SELP: variants seen among roughly 807,000 people sequenced by gnomAD.
SELP encodes the protein selectin P.
In SELP, 92 loss-of-function variants were observed where a neutral mutation model predicts 104.1. That is an observed-to-expected ratio of 0.88 (90% CI 0.75 to 1.05). The LOEUF is 1.05. Ranked by LOEUF, SELP falls within the 50% of genes least tolerant of loss-of-function variation. The probability of loss-of-function intolerance (pLI) is 0.00; values close to 1 mark genes in which losing one functional copy is unlikely to be tolerated. For synonymous variants in SELP, 397 were observed against 364.5 expected (o/e 1.09, Z -1.01); for missense variants, 1,022 against 1,017.3 (o/e 1.00, Z -0.06).
Position 169,617,047 on chromosome 1 carries a change from C to A in SELP, c.462G>T (p.Lys154Asn). 6.2e-7 allele frequency: 1 copy of A among 1,611,242 alleles called. No individual in the cohort carries two copies. The highest frequency in any genetic ancestry group is 8.5e-7 in the Non-Finnish European group (1 of 1,178,484). ...KWNDEHCLKK[K>N]HALCYTASCQ... The stretch of plus-strand genomic sequence containing the variant: ...CCCTACCTGTGTAACACAATGCGTG[C>A]TTTTTCTTCAAGCAGTGCTCATCAT... The change falls in exon 3 of 17, where the codon AAG (lysine) becomes AAT (asparagine). Residue 154 changes from lysine to asparagine, a missense_variant. Coordinates refer to ENST00000263686, the MANE Select transcript of SELP (RefSeq NM_003005.4).
In SELP at chr1:169,612,266, C is replaced by A; in HGVS notation, c.912G>T (p.Val304=). 6.2e-7 allele frequency: 1 copy of A among 1,614,146 alleles called. No homozygotes were observed. Among genetic ancestry groups the A allele is most frequent in the Non-Finnish European group, 8.5e-7 (1 of 1,180,002 alleles). Residue 304 remains valine, a synonymous_variant, in exon 6 of 17, where the codon GTG becomes GTT. Transcript: ENST00000263686. ...TCCATACCCCCGAGGCTGTGCATTG[C>A]ACCACTTCCGGTCCAACTAATGCAA... The part of the protein sequence containing the change: ...EGFALVGPEV[V]QCTASGVWTA...
At chr1:169,590,878 T>C (rs1661323811) in intron 15 of SELP, among the ~76,000 whole-genome samples, 1 of 152,242 alleles carries the variant, frequency 6.6e-6, no homozygotes, top group Non-Finnish European at 1.5e-5. Flanking sequence ...GAATATCTGC[T>C]CGATATTCAT....
intron 7 of SELP, among the ~76,000 whole-genome samples, chr1:169,610,276 A>G (rs1662453951): frequency 6.6e-6 from 1 of 152,056 alleles, no homozygotes; most frequent in African/African-American, 2.4e-5. Flanking sequence ...AGAACACAGG[A>G]TGTCATCCTA....
Position 169,613,713 on chromosome 1 carries a change from T to G in SELP, c.482-20A>C. On this transcript the variant is annotated intron_variant, in intron 3 of 16. Coordinates refer to ENST00000263686, the MANE Select transcript of SELP (RefSeq NM_003005.4). ...AGGAGGCTGCATAGATATGGAAAGG[T>G]CAGAGTCATGGACATTCACAGATGT... 1 of 1,601,134 alleles carries G rather than the reference T, an allele frequency of 6.2e-7. No homozygotes were observed. Among genetic ancestry groups the G allele is most frequent in the Non-Finnish European group, 8.6e-7 (1 of 1,168,382 alleles).
intron 13 of SELP, among the ~76,000 whole-genome samples, chr1:169,594,283 C>A (rs1452678126): frequency 6.6e-6 from 1 of 152,104 alleles, no homozygotes; most frequent in Non-Finnish European, 1.5e-5. Flanking sequence ...ATATACCTTG[C>A]AAACAGATGG....
Position 169,611,697 on chromosome 1 carries a change from A to C in SELP, c.962-20T>G. On this transcript the variant is annotated intron_variant, in intron 6 of 16. Coordinates refer to ENST00000263686, the MANE Select transcript of SELP (RefSeq NM_003005.4). ...GCACAGCTGGAGAGAATAACCAAGG[A>C]TAAAGAGAAAGATACTGAGAAAGGA... 1.2e-6 allele frequency: 2 copies of C among 1,607,646 alleles called. No homozygotes were observed. The highest frequency in any genetic ancestry group is 1.7e-6 in the Non-Finnish European group (2 of 1,176,966).
chr1:169,626,640 G>A lies in SELP; in HGVS notation c.3+3432C>T, dbSNP rs1663388085. ...GGGTCACAAATACCAGTTGGCAGAAGGGATACTTCTGAACAGAGAAGTATC... is the reference window on the plus strand; with the variant it reads ...GGGTCACAAATACCAGTTGGCAGAAAGGATACTTCTGAACAGAGAAGTATC... On this transcript the variant is annotated intron_variant, in intron 1 of 16. Coordinates refer to ENST00000263686, the MANE Select transcript of SELP (RefSeq NM_003005.4). Among the ~76,000 whole-genome samples, 7 of 152,308 alleles carry A rather than the reference G, an allele frequency of 4.6e-5. No homozygotes were observed. In the South Asian group the frequency reaches 1.4e-3, roughly 32 times the overall value.
intron 11 of SELP, 78 bp downstream of exon 11, chr1:169,596,913 A>G (rs2101872176): frequency 6.7e-6 from 9 of 1,344,968 alleles, no homozygotes; most frequent in Non-Finnish European, 8.1e-6. Flanking sequence ...TAGTTCACAT[A>G]TAAGAACTAG....
At chr1:169,608,895 A>G (rs1662341058) in intron 8 of SELP, among the ~76,000 whole-genome samples, 1 of 152,296 alleles carries the variant, frequency 6.6e-6, no homozygotes, top group African/African-American at 2.4e-5. Context: ...GCCCCCCATG[A>G]GTGCCTTAGT....
At chr1:169,612,886 A>G (rs746785859) in intron 5 of SELP, 43 bp downstream of exon 5, 2 of 1,492,998 alleles carry the variant, frequency 1.3e-6, no homozygotes, top group African/African-American at 1.4e-5. Context: ...TTCTCCCCCA[A>G]AATTCTATGT....
intron 1 of SELP, among the ~76,000 whole-genome samples, chr1:169,627,560 A>G (rs962692184): frequency 3.3e-5 from 5 of 152,230 alleles, no homozygotes; most frequent in Admixed American, 1.3e-4. Context: ...TTTTAATCAA[A>G]AAGATTAGAC....
chr1:169,601,550 G>C (rs1661912931), intron 10 of SELP, among the ~76,000 whole-genome samples: 1 of 152,196 alleles, frequency 6.6e-6, no homozygotes, highest in South Asian at 2.1e-4. Flanking sequence ...TGATCACCAG[G>C]CACTGCCATT....
chr1:169,597,003 G>T lies in SELP; in HGVS notation c.1879C>A (p.Pro627Thr), dbSNP rs1661653936. 3.7e-6 allele frequency: 6 copies of T among 1,611,676 alleles called. No homozygotes were observed. Among genetic ancestry groups the T allele is most frequent in the Non-Finnish European group, 5.1e-6 (6 of 1,178,792 alleles). The change falls in exon 11 of 17, where the codon CCA (proline) becomes ACA (threonine). Residue 627 changes from proline (P) to threonine (T), a missense_variant. Transcript: ENST00000263686. ...TACATATTATTACCTTTGCAGGTTG[G>T]TGGAGTAGCTGACCATCTTCCAGAA... Reference protein sequence around the residue: ...TTSGRWSATPPTCKGIASLPT... With the variant: ...TTSGRWSATPTTCKGIASLPT...
intron 5 of SELP, among the ~76,000 whole-genome samples, 161 bp from the exon 6 acceptor site, chr1:169,612,563 C>A (rs1419223235): frequency 6.6e-6 from 1 of 152,150 alleles, no homozygotes; most frequent in East Asian, 1.9e-4. Context: ...TTGGAAAGAT[C>A]AAACACCCTT....
rs780415483 is a variant in SELP at position 169,611,496 on chromosome 1, A to G, written c.1143T>C (p.Cys381=). The G allele has an allele frequency of 2.5e-6, 4 of 1,613,722 alleles. No individual in the cohort carries two copies. Among genetic ancestry groups the G allele is most frequent in the Non-Finnish European group, 3.4e-6 (4 of 1,179,768 alleles). ...GTTGCTAATGAAAAATCCTACCCTC[A>G]CAGGTTGGCAAGGGTGCAGACCAGT... The part of the protein sequence containing the change: ...SGHWSAPLPT[C]EAISCEPLES... The change falls in exon 7 of 17, where the codon TGT becomes TGC. Residue 381 remains cysteine, a synonymous_variant. Transcript: ENST00000263686.
At chr1:169,621,336 T>A (rs1409885511) in intron 1 of SELP, among the ~76,000 whole-genome samples, 1 of 144,748 alleles carries the variant, frequency 6.9e-6, no homozygotes, top group Admixed American at 6.9e-5. Context: ...TGGTGATGGA[T>A]GATGTAGGGT....
intron 14 of SELP, among the ~76,000 whole-genome samples, chr1:169,592,323 G>A (rs1661391443): frequency 6.6e-6 from 1 of 152,208 alleles, no homozygotes; most frequent in Non-Finnish European, 1.5e-5. Context: ...TGTAAATGGA[G>A]AAAGAATAAG....
intron 13 of SELP, among the ~76,000 whole-genome samples, chr1:169,594,387 A>G (rs968678012): frequency 1.3e-5 from 2 of 152,074 alleles, no homozygotes; most frequent in Non-Finnish European, 2.9e-5. Context: ...GCATGAAATA[A>G]CTCCCAGTTT....
rs200647043 is a variant in SELP at position 169,609,561 on chromosome 1, C to T, written c.1276G>A (p.Asp426Asn). The change falls in exon 8 of 17, where the codon GAT (aspartate) becomes AAT (asparagine). Residue 426 changes from aspartate to asparagine, a missense_variant. Asp to Asn is a conservative substitution (Grantham distance 23). Coordinates refer to ENST00000263686, the MANE Select transcript of SELP (RefSeq NM_003005.4). ...CAEGFMLRGADIVRCDNLGQW... is the reference protein window; with the variant it reads ...CAEGFMLRGANIVRCDNLGQW... ...CCCAAGTTATCACACCGAACTATAT[C>T]GGCTCCTCTCAGCATGAAACCTTCA... The T allele has an allele frequency of 1.3e-4, 217 of 1,614,044 alleles. No individual in the cohort carries two copies. Among genetic ancestry groups the T allele is most frequent in the South Asian group, 4.2e-4 (38 of 91,076 alleles).
Sources: allele counts gnomAD v4.1 joint callset (sites outside exome capture counted in the v4.1 genomes callset), GRCh38; gene constraint gnomAD v4.1.1; transcripts MANE v1.5; gene names NCBI Gene and HGNC (gene_info 2026-07-23, HGNC 2026-07-21).